IQCM: variants seen among roughly 807,000 people sequenced by gnomAD.
IQCM encodes IQ motif containing M.
A neutral mutation model predicts 57.6 loss-of-function variants in IQCM; 45 were observed. The ratio of observed to expected loss-of-function variants is 0.78; its 90% CI spans 0.62 to 1.00. IQCM has a LOEUF of 1.00. Ranked by LOEUF, IQCM falls within the 50% of genes least tolerant of loss-of-function variation. The pLI is 0.00. For missense variants in IQCM, 468 were observed against 511.6 expected (o/e 0.91, Z 0.82); for synonymous variants, 148 against 158.9 (o/e 0.93, Z 0.51).
intron 2 of IQCM, among the ~76,000 whole-genome samples, chr4:149,797,458 T>A (rs1773209435): frequency 6.6e-6 from 1 of 152,054 alleles, no homozygotes; most frequent in African/African-American, 2.4e-5. Flanking sequence ...TAAGAGTTCT[T>A]GGCCTTAAAG....
At chr4:149,615,398 A>G (rs565795713) in intron 8 of IQCM, among the ~76,000 whole-genome samples, 2 of 152,308 alleles carry the variant, frequency 1.3e-5, no homozygotes, top group African/African-American at 4.8e-5. Flanking sequence ...TACTTCAGAG[A>G]CCATAAAAAG....
intron 7 of IQCM, among the ~76,000 whole-genome samples, chr4:149,643,023 A>G (rs1758333002): frequency 6.7e-6 from 1 of 149,134 alleles, no homozygotes; most frequent in Admixed American, 6.7e-5. Context: ...AATTTTTTAA[A>G]TTTTTTCCTT....
At chr4:149,475,851 G>T (rs1183934754) in intron 12 of IQCM, among the ~76,000 whole-genome samples, 1 of 152,096 alleles carries the variant, frequency 6.6e-6, no homozygotes, top group Non-Finnish European at 1.5e-5. Context: ...GAAGGTTATT[G>T]GTGACCTTGA....
At chr4:149,729,030 A>G (rs971129074) in intron 5 of IQCM, among the ~76,000 whole-genome samples, 1 of 152,244 alleles carries the variant, frequency 6.6e-6, no homozygotes, top group African/African-American at 2.4e-5. Context: ...TAACCTCAGT[A>G]AAAACTCCAT....
chr4:149,408,796 G>C (rs1733163155), intron 13 of IQCM, among the ~76,000 whole-genome samples: 1 of 151,968 alleles, frequency 6.6e-6, no homozygotes, highest in Non-Finnish European at 1.5e-5. Context: ...TGTTCTTTAA[G>C]AGCAGACATC....
chr4:149,369,108 G>A lies in IQCM; in HGVS notation c.1391-17042C>T, dbSNP rs1395474806. On this transcript the variant is annotated intron_variant, in intron 13 of 13. Transcript: ENST00000636793. ...CACCCAGGCTGGAGTGCAATGGCAC[G>A]ATCTCAGCTCACTGTGACGTCTACC... is the stretch of plus-strand genomic sequence containing the variant. Among the ~76,000 whole-genome samples the A allele has an allele frequency of 2.1e-5, 3 of 145,898 alleles. 1 individual carries two copies. The highest frequency in any genetic ancestry group is 5.0e-5 in the African/African-American group (2 of 39,620).
Position 149,809,812 on chromosome 4 carries a change from C to G in IQCM, c.-49+5499G>C, listed in dbSNP as rs369886031. Among the ~76,000 whole-genome samples the G allele has an allele frequency of 2.0e-5, 3 of 152,146 alleles. No individual in the cohort carries two copies. The East Asian group carries it at 5.8e-4, about 29-fold the overall frequency. Reference sequence around the variant, plus strand: ...TTCATATTCTGATAATTACCTAAAACTGACATTGACAATTTCAAACAGGAT... The same window carrying G: ...TTCATATTCTGATAATTACCTAAAAGTGACATTGACAATTTCAAACAGGAT... On this transcript the variant is annotated intron_variant, in intron 2 of 13. Coordinates refer to ENST00000636793, the MANE Select transcript of IQCM (RefSeq NM_001363507.2).
At chr4:149,703,490 G>A (rs1047942253) in intron 5 of IQCM, among the ~76,000 whole-genome samples, 6 of 151,850 alleles carry the variant, frequency 4.0e-5, no homozygotes, top group Admixed American at 2.0e-4. Context: ...GGAAGTGTTG[G>A]TACAGACAAT....
intron 13 of IQCM, among the ~76,000 whole-genome samples, chr4:149,396,062 G>T (rs1370872228): frequency 6.6e-6 from 1 of 151,706 alleles, no homozygotes; most frequent in African/African-American, 2.4e-5. Flanking sequence ...ACAGATAAAG[G>T]TCAACATGTC....
intron 13 of IQCM, among the ~76,000 whole-genome samples, chr4:149,358,426 A>G (rs1729170505): frequency 6.6e-6 from 1 of 152,132 alleles, no homozygotes; most frequent in Admixed American, 6.6e-5. Flanking sequence ...AATGTGTCCC[A>G]TAGATTCTGG....
chr4:149,358,734 T>C (rs1423301406), intron 13 of IQCM, among the ~76,000 whole-genome samples: 2 of 139,564 alleles, frequency 1.4e-5, no homozygotes, highest in Non-Finnish European at 1.6e-5. Flanking sequence ...ATCAGTAAGC[T>C]TAGTAAATAT....
chr4:149,735,514 C>T lies in IQCM; in HGVS notation c.38-56G>A, dbSNP rs17026392. ...GCAGTTAATGTGAAAGTAAATTTTA[C>T]AAGTTGACATTATAAAAGGAAGCAA... is the stretch of plus-strand genomic sequence containing the variant. On this transcript the variant is annotated intron_variant, in intron 3 of 13. Coordinates refer to ENST00000636793, the MANE Select transcript of IQCM (RefSeq NM_001363507.2). 2.7e-3 allele frequency: 2,009 copies of T among 751,052 alleles called. 20 individuals carry two copies. The African/African-American group carries it at 0.031, about 12-fold the overall frequency. 46.5% of individuals were successfully genotyped at this position (751,052 alleles called of 1,614,324 possible).
intron 2 of IQCM, among the ~76,000 whole-genome samples, chr4:149,804,299 C>T (rs1347748354): frequency 6.6e-6 from 1 of 151,986 alleles, no homozygotes; most frequent in Non-Finnish European, 1.5e-5. Flanking sequence ...ACAAAATTTA[C>T]AAAGTATGGG....
intron 2 of IQCM, among the ~76,000 whole-genome samples, chr4:149,770,387 C>T (rs974621062): frequency 6.6e-6 from 1 of 152,054 alleles, no homozygotes; most frequent in Non-Finnish European, 1.5e-5. Flanking sequence ...AATATCAATT[C>T]TACACAGCTC....
intron 2 of IQCM, among the ~76,000 whole-genome samples, chr4:149,807,375 C>T (rs1774182523): frequency 6.6e-6 from 1 of 151,904 alleles, no homozygotes; most frequent in South Asian, 2.1e-4. Flanking sequence ...AACTAGATAT[C>T]CATATGTAGA....
intron 7 of IQCM, among the ~76,000 whole-genome samples, chr4:149,640,152 A>T (rs1758062907): frequency 1.3e-5 from 2 of 152,302 alleles, no homozygotes; most frequent in East Asian, 1.9e-4. Flanking sequence ...GTTTTAATTT[A>T]AAAAATGTGT....
intron 12 of IQCM, among the ~76,000 whole-genome samples, chr4:149,521,092 T>C (rs565768116): frequency 2.6e-5 from 4 of 152,272 alleles, no homozygotes; most frequent in South Asian, 2.1e-4. Flanking sequence ...ACCCAAAGTG[T>C]CATCAAATTA....
intron 9 of IQCM, 86 bp from the exon 10 acceptor site, chr4:149,563,976 CATTGAAATAGGAAATAT>C (rs1750376340): frequency 8.7e-6 from 5 of 575,076 alleles, no homozygotes; most frequent in Non-Finnish European, 1.3e-5. Context: ...ATGATGAATA[CATTGAAATAGGAAATAT>C]ATTATAACTT....
intron 8 of IQCM, among the ~76,000 whole-genome samples, chr4:149,601,971 G>T (rs1247066082): frequency 6.7e-6 from 1 of 149,514 alleles, no homozygotes; most frequent in Non-Finnish European, 1.5e-5. Context: ...GGAGAATGGC[G>T]TGAACCCGGG....
Sources: allele counts gnomAD v4.1 joint callset (sites outside exome capture counted in the v4.1 genomes callset), GRCh38; gene constraint gnomAD v4.1.1; transcripts MANE v1.5; gene names NCBI Gene and HGNC (gene_info 2026-07-23, HGNC 2026-07-21).